The following ACOXL variants were observed in gnomAD, a reference collection of about 807,000 sequenced individuals.
ACOXL encodes the protein acyl-CoA oxidase like.
ACOXL carries 70 observed loss-of-function variants against 71.9 expected under a neutral mutation model. That is an observed-to-expected ratio of 0.97 (90% CI 0.80 to 1.19). ACOXL has a LOEUF of 1.19. Ranked by LOEUF, ACOXL falls within the 50% of genes most tolerant of loss-of-function variation. The probability of loss-of-function intolerance (pLI) is 0.00; values close to 1 mark genes in which losing one functional copy is unlikely to be tolerated. For synonymous variants in ACOXL, 253 were observed against 281.6 expected, an observed-to-expected ratio of 0.90 and a Z score of 1.02; for missense variants, 703 against 736.3, an observed-to-expected ratio of 0.95 and a Z score of 0.52.
In ACOXL at chr2:110,963,680, C is replaced by T. The variant is rs765737804; in HGVS notation, c.1060-23428C>T. 9.3e-6 allele frequency: 15 copies of T among 1,613,774 alleles called. No individual in the cohort carries two copies. The South Asian group carries it at 1.4e-4, about 15-fold the overall frequency. ...TAAAGTGTGACACAGATGTGTTTGC[C>T]ACTTTTGAAGGTGACGATGTTGTTA... On this transcript the variant is annotated intron_variant, in intron 12 of 17. Coordinates refer to ENST00000439055, the MANE Select transcript of ACOXL (RefSeq NM_001142807.4).
chr2:110,743,715 C>T (rs901841835), intron 1 of ACOXL, among the ~76,000 whole-genome samples: 2 of 152,168 alleles, frequency 1.3e-5, no homozygotes, highest in East Asian at 3.8e-4. Flanking sequence ...TCTGTGTCTC[C>T]GCCCAAGGCT....
intron 1 of ACOXL, among the ~76,000 whole-genome samples, chr2:110,750,256 C>T (rs1187294117): frequency 6.6e-5 from 10 of 152,096 alleles, no homozygotes. Context: ...TGATCTCTTT[C>T]CCCCATGTAT....
At chr2:110,834,907 C>A (rs1360446971) in intron 9 of ACOXL, among the ~76,000 whole-genome samples, 1 of 152,240 alleles carries the variant, frequency 6.6e-6, no homozygotes, top group Non-Finnish European at 1.5e-5. Flanking sequence ...GTGAAGTGAT[C>A]TCCATGCTTT....
chr2:110,769,650 T>TAAAACAAAACAAAAC lies in ACOXL; in HGVS notation c.75+1206_75+1220dup, dbSNP rs367968739. On this transcript the variant is annotated intron_variant, in intron 2 of 17. Transcript: ENST00000439055. ...CAACATGGTGAAACACTGTTTCTAC[T>TAAAACAAAACAAAAC]AAAACAAAACAAAACAAAACAAAAC... is the stretch of plus-strand genomic sequence containing the variant. Among the ~76,000 whole-genome samples, 741 of 151,488 alleles carry TAAAACAAAACAAAAC rather than the reference T, an allele frequency of 4.9e-3. 9 individuals are homozygous for TAAAACAAAACAAAAC. Among genetic ancestry groups the TAAAACAAAACAAAAC allele is most frequent in the African/African-American group, 0.017 (714 of 41,004 alleles).
Position 110,755,215 on chromosome 2 carries a change from C to T in ACOXL, c.-22-13153C>T, listed in dbSNP as rs539244014. Among the ~76,000 whole-genome samples the T allele has an allele frequency of 1.8e-4, 27 of 152,274 alleles. No individual in the cohort carries two copies. The South Asian group carries it at 5.4e-3, about 30-fold the overall frequency. On this transcript the variant is annotated intron_variant, in intron 1 of 17. Transcript: ENST00000439055. ...CCAACAGCTGTCCCCAGATGACCCT[C>T]ACATGTGAGGCCTGACTCCCACCCC...
intron 1 of ACOXL, among the ~76,000 whole-genome samples, chr2:110,766,119 T>C (rs1357488734): frequency 1.3e-5 from 2 of 152,220 alleles, no homozygotes; most frequent in East Asian, 3.8e-4. Flanking sequence ...ATCAGATAAT[T>C]CCAATGTCTG....
At chr2:110,781,339 A>T (rs914514603) in intron 2 of ACOXL, among the ~76,000 whole-genome samples, 1 of 152,066 alleles carries the variant, frequency 6.6e-6, no homozygotes, top group African/African-American at 2.4e-5. Flanking sequence ...TGGTGAAGAG[A>T]TGTAAAAAGT....
intron 12 of ACOXL, among the ~76,000 whole-genome samples, chr2:110,964,708 A>G (rs1166959334): frequency 1.3e-5 from 2 of 152,242 alleles, no homozygotes; most frequent in African/African-American, 4.8e-5. Context: ...TAGTATTTGT[A>G]CATATATAAG....
At chr2:111,116,315 A>G (rs1314020515) in intron 17 of ACOXL, among the ~76,000 whole-genome samples, 1 of 152,232 alleles carries the variant, frequency 6.6e-6, no homozygotes, top group Non-Finnish European at 1.5e-5. Flanking sequence ...ATGCTTAACC[A>G]CAGTGTGTGA....
chr2:110,744,062 G>A (rs1677876651), intron 1 of ACOXL, among the ~76,000 whole-genome samples: 1 of 152,198 alleles, frequency 6.6e-6, no homozygotes, highest in South Asian at 2.1e-4. Flanking sequence ...CTGCCTCCTA[G>A]TTGTGCCCTG....
intron 9 of ACOXL, among the ~76,000 whole-genome samples, chr2:110,808,471 T>C (rs1444669180): frequency 6.6e-6 from 1 of 152,074 alleles, no homozygotes; most frequent in Non-Finnish European, 1.5e-5. Flanking sequence ...TTGTGAAATA[T>C]CAGCACTGTC....
chr2:110,965,688 C>T (rs1482980438), intron 12 of ACOXL, among the ~76,000 whole-genome samples: 1 of 151,790 alleles, frequency 6.6e-6, no homozygotes, highest in Non-Finnish European at 1.5e-5. Flanking sequence ...AGAATAGCCC[C>T]ATTCCTTACA....
chr2:110,900,039 A>G (rs1328796920), intron 10 of ACOXL, among the ~76,000 whole-genome samples: 1 of 151,786 alleles, frequency 6.6e-6, no homozygotes, highest in Non-Finnish European at 1.5e-5. Context: ...TTTGGGGAAC[A>G]TAAAAGGTGC....
In ACOXL at chr2:110,979,443, T is replaced by G. The variant is rs1357484629; in HGVS notation, c.1060-7665T>G. On this transcript the variant is annotated intron_variant, in intron 12 of 17. Coordinates refer to ENST00000439055, the MANE Select transcript of ACOXL (RefSeq NM_001142807.4). ...AACCTTCAGCTGAATTCCTCATAGG[T>G]CCCATTGGCCAGGACGGTGCCCGTG... Among the ~76,000 whole-genome samples, 6 of 152,238 alleles carry G rather than the reference T, an allele frequency of 3.9e-5. No homozygotes were observed. In the South Asian group the frequency reaches 1.2e-3, roughly 32 times the overall value.
chr2:111,106,905 C>T lies in ACOXL; in HGVS notation c.1543-10711C>T, dbSNP rs576123463. Reference sequence around the variant, plus strand: ...TACGGTTCCCTAAAGGGCCTTTACTCACACTGGCAGTGACTCTGTTACCGC... The same window carrying T: ...TACGGTTCCCTAAAGGGCCTTTACTTACACTGGCAGTGACTCTGTTACCGC... On this transcript the variant is annotated intron_variant, in intron 17 of 17. Coordinates refer to ENST00000439055, the MANE Select transcript of ACOXL (RefSeq NM_001142807.4). Among the ~76,000 whole-genome samples the T allele has an allele frequency of 8.5e-5, 13 of 152,318 alleles. No homozygotes were observed. In the East Asian group the frequency reaches 1.5e-3, roughly 18 times the overall value.
chr2:110,737,982 T>C (rs756539607), intron 1 of ACOXL, among the ~76,000 whole-genome samples: 2 of 152,234 alleles, frequency 1.3e-5, no homozygotes, highest in Non-Finnish European at 2.9e-5. Context: ...ATGACTGCTT[T>C]GGTCAACAGA....
At chr2:110,783,081 C>T (rs13413569) in intron 2 of ACOXL, among the ~76,000 whole-genome samples, 6,075 of 152,182 alleles carry the variant, frequency 0.04, 231 homozygotes, top group African/African-American at 0.091. Context: ...CCTGAAGCTC[C>T]GGATTCTGAT....
At chr2:110,816,679 G>A (rs1687959309) in intron 9 of ACOXL, among the ~76,000 whole-genome samples, 1 of 152,152 alleles carries the variant, frequency 6.6e-6, no homozygotes, top group Admixed American at 6.5e-5. Context: ...ACAGGTCCGG[G>A]GATGGTCTCC....
At chr2:110,929,432 G>T (rs1298378975) in intron 11 of ACOXL, among the ~76,000 whole-genome samples, 1 of 152,198 alleles carries the variant, frequency 6.6e-6, no homozygotes, top group East Asian at 1.9e-4. Flanking sequence ...GAGATGACTT[G>T]GGTGCTGTTA....
Sources: allele counts gnomAD v4.1 joint callset (sites outside exome capture counted in the v4.1 genomes callset), GRCh38; gene constraint gnomAD v4.1.1; transcripts MANE v1.5; gene names NCBI Gene and HGNC (gene_info 2026-07-23, HGNC 2026-07-21).